The following CSMD3 variants were observed in gnomAD, a reference collection of about 807,000 sequenced individuals.
The protein encoded by CSMD3 is CUB and Sushi multiple domains 3, also known as CUB and sushi domain-containing protein 3.
Under a neutral mutation model 435.2 loss-of-function variants are expected in CSMD3, and 177 were observed. That is an observed-to-expected ratio of 0.41 (90% CI 0.36 to 0.46). The LOEUF is 0.46. Ranked by LOEUF, CSMD3 falls within the 20% of genes least tolerant of loss-of-function variation. The probability of loss-of-function intolerance (pLI) is 0.34; values close to 1 mark genes in which losing one functional copy is unlikely to be tolerated. For synonymous variants in CSMD3, 1,656 were observed against 1,520.5 expected (o/e 1.09, Z -2.07); for missense variants, 4,265 against 4,504.6 (o/e 0.95, Z 1.52).
intron 22 of CSMD3, among the ~76,000 whole-genome samples, chr8:112,601,227 T>C (rs1390480548): frequency 1.3e-5 from 2 of 152,134 alleles, no homozygotes; most frequent in Non-Finnish European, 2.9e-5. Flanking sequence ...ATATGAGCAA[T>C]AGCAATAGCT....
At chr8:112,703,098 G>A (rs1486712853) in intron 13 of CSMD3, among the ~76,000 whole-genome samples, 1 of 152,164 alleles carries the variant, frequency 6.6e-6, no homozygotes, top group African/African-American at 2.4e-5. Context: ...TTGTCTTTCA[G>A]AATATAAAAT....
Position 113,313,041 on chromosome 8 carries a change from G to T in CSMD3, c.401+1530C>A, listed in dbSNP as rs1387744000. On this transcript the variant is annotated intron_variant, in intron 2 of 70. Coordinates refer to ENST00000297405, the MANE Select transcript of CSMD3 (RefSeq NM_198123.2). Reference sequence around the variant, plus strand: ...ACTCAGGCATTTTTAAGTGTCATCTGACTGGAAGCAGTTCGATGTGCTCTA... The same window carrying T: ...ACTCAGGCATTTTTAAGTGTCATCTTACTGGAAGCAGTTCGATGTGCTCTA... 2.6e-5 allele frequency: 4 copies of T among 152,294 alleles called. No individual in the cohort carries two copies. The South Asian group carries it at 8.3e-4, about 32-fold the overall frequency. 9.4% of individuals were successfully genotyped at this position (152,294 alleles called of 1,614,324 possible).
At chr8:112,476,154 T>A (rs1416568133) in intron 31 of CSMD3, among the ~76,000 whole-genome samples, 3 of 152,140 alleles carry the variant, frequency 2.0e-5, no homozygotes, top group Non-Finnish European at 4.4e-5. Flanking sequence ...CAAGAGATTC[T>A]CCTACCTCAG....
chr8:112,647,804 A>G (rs1282899027), intron 19 of CSMD3, among the ~76,000 whole-genome samples: 2 of 152,162 alleles, frequency 1.3e-5, no homozygotes, highest in Admixed American at 1.3e-4. Flanking sequence ...AGATTATTTT[A>G]CATTGCCAAT....
chr8:113,185,965 C>G (rs927071594), intron 3 of CSMD3, among the ~76,000 whole-genome samples: 6 of 151,978 alleles, frequency 3.9e-5, no homozygotes, highest in Non-Finnish European at 8.8e-5. Context: ...CTGTCAGCAC[C>G]CTCTGTCTCT....
At chr8:112,512,513 G>C (rs773586073) in intron 28 of CSMD3, among the ~76,000 whole-genome samples, 13 of 152,122 alleles carry the variant, frequency 8.5e-5, no homozygotes, top group Non-Finnish European at 1.6e-4. Flanking sequence ...TTTCTGAACA[G>C]TAGGTCTCAA....
intron 3 of CSMD3, among the ~76,000 whole-genome samples, chr8:113,230,356 G>T (rs2093071606): frequency 2.0e-5 from 3 of 151,382 alleles, no homozygotes; most frequent in Non-Finnish European, 4.4e-5. Flanking sequence ...TTCAGTTTTA[G>T]AATTCTGTAA....
chr8:112,478,281 T>C (rs528675157), intron 31 of CSMD3, among the ~76,000 whole-genome samples: 1 of 152,222 alleles, frequency 6.6e-6, no homozygotes, highest in East Asian at 1.9e-4. Flanking sequence ...GAAATGGCTT[T>C]AGAAATGGGT....
intron 13 of CSMD3, among the ~76,000 whole-genome samples, chr8:112,768,827 G>GC (rs2132184013): frequency 6.6e-6 from 1 of 151,890 alleles, no homozygotes; most frequent in South Asian, 2.1e-4. Flanking sequence ...CATTCATAAA[G>GC]CCATTCCCAT....
intron 59 of CSMD3, among the ~76,000 whole-genome samples, chr8:112,276,608 G>A (rs1445130210): frequency 1.3e-5 from 2 of 151,922 alleles, no homozygotes; most frequent in Non-Finnish European, 2.9e-5. Flanking sequence ...TGCAGTCTAG[G>A]AATTTGGTGC....
chr8:113,376,678 GA>G (rs1247232976), intron 1 of CSMD3: 3 of 1,600,588 alleles, frequency 1.9e-6, no homozygotes, highest in Non-Finnish European at 2.6e-6. Flanking sequence ...CATGGGAGTT[GA>G]CACCCGCCAC....
intron 38 of CSMD3, among the ~76,000 whole-genome samples, chr8:112,356,990 C>G (rs921347351): frequency 3.9e-5 from 6 of 152,246 alleles, no homozygotes; most frequent in African/African-American, 1.2e-4. Context: ...TGAAAAGATA[C>G]TCAAAAATGT....
intron 53 of CSMD3, among the ~76,000 whole-genome samples, chr8:112,299,059 C>T (rs1206040948): frequency 6.6e-6 from 1 of 151,976 alleles, no homozygotes; most frequent in Non-Finnish European, 1.5e-5. Flanking sequence ...ATATGCACAA[C>T]AGCATAGATA....
At chr8:112,624,449 C>T (rs1386004121) in intron 22 of CSMD3, among the ~76,000 whole-genome samples, 2 of 152,078 alleles carry the variant, frequency 1.3e-5, no homozygotes, top group African/African-American at 4.8e-5. Flanking sequence ...GTCATTATTA[C>T]AATTCTGGAC....
chr8:112,793,683 T>G (rs553859784), intron 13 of CSMD3, among the ~76,000 whole-genome samples: 51 of 152,220 alleles, frequency 3.4e-4, no homozygotes, highest in Non-Finnish European at 6.2e-4. Flanking sequence ...AAAATGGAAG[T>G]GAGGTACGGA....
chr8:112,783,110 T>C (rs898431682), intron 13 of CSMD3, among the ~76,000 whole-genome samples: 1 of 151,948 alleles, frequency 6.6e-6, no homozygotes, highest in African/African-American at 2.4e-5. Flanking sequence ...ATATGAACCT[T>C]TCAAAACTAA....
chr8:112,346,361 G>A, intron 40 of CSMD3, 148 bp from the exon 41 acceptor site: 4 of 667,044 alleles, frequency 6.0e-6, no homozygotes, highest in South Asian at 1.6e-5. Flanking sequence ...CTATACACTA[G>A]GAATTAAATA....
chr8:113,141,958 G>T (rs10955647), intron 4 of CSMD3, among the ~76,000 whole-genome samples: 100,614 of 150,788 alleles, frequency 0.67, 35,058 homozygotes, highest in East Asian at 0.88. Context: ...AAGAAATCAA[G>T]TATATTTCTG....
intron 1 of CSMD3, among the ~76,000 whole-genome samples, chr8:113,325,607 C>T (rs933704814): frequency 1.3e-5 from 2 of 152,138 alleles, no homozygotes; most frequent in Non-Finnish European, 2.9e-5. Context: ...CAGCCTTACA[C>T]TCAAGTTTCT....
Sources: gnomAD v4.1 joint callset for allele counts (sites outside exome capture counted in the v4.1 genomes callset) on GRCh38, gnomAD v4.1.1 for gene constraint, MANE v1.5 for transcripts, NCBI Gene and HGNC (gene_info 2026-07-23, HGNC 2026-07-21) for gene names.